The following LOC400499 variants were observed in gnomAD, a reference collection of about 807,000 sequenced individuals.
chr16:11,429,047 G>C, the LOC400499 span, among the ~76,000 whole-genome samples: 4 of 152,116 alleles, frequency 2.6e-5, no homozygotes, highest in Non-Finnish European at 5.9e-5. Context: ...GAATCCATGA[G>C]TCCCTACTGA....
chr16:11,468,721 G>A, the LOC400499 span, among the ~76,000 whole-genome samples: 2 of 152,242 alleles, frequency 1.3e-5, no homozygotes, highest in Admixed American at 1.3e-4. Flanking sequence ...TCCGCCTCCT[G>A]GGTTCAAGTG....
At chr16:11,461,225 T>C in the LOC400499 span, 1 of 1,381,764 alleles carries the variant, frequency 7.2e-7, no homozygotes, top group Non-Finnish European at 9.6e-7. Context: ...GCCTTGGGGT[T>C]GGGGGCTCCT....
the LOC400499 span, chr16:11,457,153 C>G: frequency 1.0e-6 from 1 of 981,472 alleles, no homozygotes; most frequent in Non-Finnish European, 1.5e-6. Context: ...GCACTCCACA[C>G]GGGCAACGGG....
At chr16:11,447,907 T>G in the LOC400499 span, 2 of 1,525,276 alleles carry the variant, frequency 1.3e-6, no homozygotes, top group South Asian at 2.4e-5. Flanking sequence ...TGCAGGGGTG[T>G]CAGCTGAGCA....
At chr16:11,372,764 C>A in the LOC400499 span, 1 of 980,372 alleles carries the variant, frequency 1.0e-6, no homozygotes, top group Non-Finnish European at 1.2e-6. Context: ...AAAAGTAAGA[C>A]CAGGCTATGG....
the LOC400499 span, among the ~76,000 whole-genome samples, chr16:11,373,734 C>G: frequency 6.6e-6 from 1 of 152,050 alleles, no homozygotes; most frequent in Non-Finnish European, 1.5e-5. Flanking sequence ...ATTCTCTTGC[C>G]TCAGCCTCCC....
the LOC400499 span, among the ~76,000 whole-genome samples, chr16:11,521,580 C>G: frequency 1.3e-5 from 2 of 152,084 alleles, no homozygotes; most frequent in African/African-American, 4.8e-5. Flanking sequence ...ATTCCTTTGT[C>G]CAAAGGCTTG....
At chr16:11,399,982 GGA>G in the LOC400499 span, among the ~76,000 whole-genome samples, 1 of 151,888 alleles carries the variant, frequency 6.6e-6, no homozygotes, top group African/African-American at 2.4e-5. Context: ...GATGGAGGGT[GGA>G]GAGACTGCCC....
the LOC400499 span, among the ~76,000 whole-genome samples, chr16:11,388,644 G>C: frequency 2.0e-5 from 3 of 152,132 alleles, no homozygotes; most frequent in African/African-American, 7.2e-5. Context: ...GGGCCAAAAG[G>C]GTCTTTTAAA....
the LOC400499 span, chr16:11,396,417 G>A: frequency 2.7e-5 from 31 of 1,162,894 alleles, no homozygotes; most frequent in African/African-American, 4.8e-5. Context: ...TGGCGGGGCC[G>A]CCCAGGCAGT....
chr16:11,521,567 T>C, the LOC400499 span, among the ~76,000 whole-genome samples: 1 of 152,190 alleles, frequency 6.6e-6, no homozygotes. Flanking sequence ...TTCCACCCAG[T>C]CTATTCCTTT....
At chr16:11,469,649 G>C in the LOC400499 span, 2 of 398,968 alleles carry the variant, frequency 5.0e-6, no homozygotes, top group African/African-American at 4.1e-5. Context: ...GTGGCTTCTT[G>C]GGGGAACCAG....
the LOC400499 span, among the ~76,000 whole-genome samples, chr16:11,448,620 A>G: frequency 6.6e-6 from 1 of 152,216 alleles, no homozygotes; most frequent in Non-Finnish European, 1.5e-5. Flanking sequence ...CTAACTACTT[A>G]GTAGGCTGAG....
At chr16:11,481,620 G>C in the LOC400499 span, among the ~76,000 whole-genome samples, 1 of 152,078 alleles carries the variant, frequency 6.6e-6, no homozygotes, top group East Asian at 1.9e-4. Context: ...ACCGCGCCCA[G>C]CCCTATTTTA....
the LOC400499 span, chr16:11,443,318 G>T: frequency 5.9e-6 from 2 of 339,944 alleles, no homozygotes; most frequent in African/African-American, 3.4e-5. Context: ...AGCAAGACTC[G>T]ATCCTCAGTC....
At chr16:11,416,574 A>C in the LOC400499 span, among the ~76,000 whole-genome samples, 3 of 152,186 alleles carry the variant, frequency 2.0e-5, no homozygotes, top group African/African-American at 7.2e-5. Flanking sequence ...CAGAGCACAC[A>C]TTCTGGTGAT....
At chr16:11,383,867 G>T in the LOC400499 span, 3 of 1,232,036 alleles carry the variant, frequency 2.4e-6, no homozygotes, top group African/African-American at 4.7e-5. Context: ...TGCACCCCAT[G>T]GGCCAGGCTC....
the LOC400499 span, chr16:11,399,263 T>C: frequency 1.0e-6 from 1 of 985,176 alleles, no homozygotes; most frequent in Non-Finnish European, 1.2e-6. Context: ...CCCCTTGCTT[T>C]TCTTGTCTTC....
At chr16:11,430,960 G>C in the LOC400499 span, 1 of 398,314 alleles carries the variant, frequency 2.5e-6, no homozygotes, top group Non-Finnish European at 4.4e-6. Flanking sequence ...CACTGGACTT[G>C]GGTGGAAATG....
Sources: gnomAD v4.1 joint callset for allele counts (sites outside exome capture counted in the v4.1 genomes callset) on GRCh38, gnomAD v4.1.1 for gene constraint, MANE v1.5 for transcripts.